The following CSGALNACT1 variants were observed in gnomAD, a reference collection of about 807,000 sequenced individuals.
The protein encoded by CSGALNACT1 is chondroitin sulfate N-acetylgalactosaminyltransferase 1.
In CSGALNACT1, 52 loss-of-function variants were observed where a neutral mutation model predicts 51.0. The observed-to-expected ratio is 1.02, with a 90% CI of 0.82 to 1.29. CSGALNACT1 has a LOEUF of 1.29. Among genes scored for constraint, CSGALNACT1 ranks in the 50% most tolerant of loss-of-function variants. The probability of loss-of-function intolerance (pLI) is 0.00; values close to 1 mark genes in which losing one functional copy is unlikely to be tolerated. For synonymous variants in CSGALNACT1, 341 were observed against 254.4 expected (o/e 1.34, Z -3.24); for missense variants, 935 against 679.2 (o/e 1.38, Z -4.19).
intron 1 of CSGALNACT1, among the ~76,000 whole-genome samples, chr8:19,699,029 GC>G (rs1398056244): frequency 1.3e-5 from 2 of 152,160 alleles, no homozygotes; most frequent in African/African-American, 4.8e-5. Context: ...GCAGTGTATT[GC>G]TTTTTTCTTT....
At chr8:19,691,055 G>T (rs747995587) in intron 1 of CSGALNACT1, among the ~76,000 whole-genome samples, 1 of 152,178 alleles carries the variant, frequency 6.6e-6, no homozygotes, top group Non-Finnish European at 1.5e-5. Flanking sequence ...TTGCACCACT[G>T]CACTCAAGCT....
intron 3 of CSGALNACT1, among the ~76,000 whole-genome samples, chr8:19,580,188 A>G (rs190167931): frequency 1.8e-4 from 28 of 152,352 alleles, no homozygotes; most frequent in Admixed American, 4.6e-4. Context: ...AGGACTTCCA[A>G]TGCAGCCAGA....
chr8:19,569,891 T>C (rs1463797789), intron 3 of CSGALNACT1, among the ~76,000 whole-genome samples: 4 of 152,202 alleles, frequency 2.6e-5, no homozygotes, highest in Non-Finnish European at 5.9e-5. Flanking sequence ...AAACTACTGC[T>C]ACATGCAGCC....
intron 4 of CSGALNACT1, among the ~76,000 whole-genome samples, chr8:19,501,975 G>A (rs113399987): frequency 2.0e-5 from 3 of 152,248 alleles, no homozygotes; most frequent in African/African-American, 7.2e-5. Flanking sequence ...CTGGGGAAAG[G>A]GAAAAGAGAG....
At chr8:19,650,288 C>T (rs1564348519) in intron 1 of CSGALNACT1, among the ~76,000 whole-genome samples, 1 of 152,114 alleles carries the variant, frequency 6.6e-6, no homozygotes, top group African/African-American at 2.4e-5. Context: ...TATTTGAAAG[C>T]TAGACAAAGA....
intron 1 of CSGALNACT1, among the ~76,000 whole-genome samples, chr8:19,755,718 T>C (rs973279806): frequency 1.3e-5 from 2 of 152,200 alleles, no homozygotes; most frequent in Non-Finnish European, 2.9e-5. Context: ...CACTGCACTG[T>C]AATGTAAACG....
upstream of CSGALNACT1, among the ~76,000 whole-genome samples, chr8:19,684,322 G>A (rs2060845934): frequency 6.6e-6 from 1 of 152,084 alleles, no homozygotes; most frequent in African/African-American, 2.4e-5. Context: ...GAAAAGGTAC[G>A]TTCATTGACA....
chr8:19,627,072 A>G (rs1219549527), intron 1 of CSGALNACT1, among the ~76,000 whole-genome samples: 1 of 152,240 alleles, frequency 6.6e-6, no homozygotes, highest in East Asian at 1.9e-4. Context: ...TCAAGAAATG[A>G]AAACATTCTC....
rs748656508 is a variant in CSGALNACT1, at chr8:19,420,528, A to G, written c.954-10T>C. On this transcript the variant is annotated splice_polypyrimidine_tract_variant and intron_variant, in intron 6 of 9. Coordinates refer to ENST00000454498, the Ensembl canonical transcript of CSGALNACT1. ...CCTGAAGTTGGCAGCTCTGAAAGGCAAGACCAGGTACTGTCACTCACATTC... is the reference window on the plus strand; with the variant it reads ...CCTGAAGTTGGCAGCTCTGAAAGGCGAGACCAGGTACTGTCACTCACATTC... 8 of 1,613,356 alleles carry G rather than the reference A, an allele frequency of 5.0e-6. No homozygotes were observed.
chr8:19,407,431 C>T (rs1017914906), intron 9 of CSGALNACT1, among the ~76,000 whole-genome samples: 1 of 152,142 alleles, frequency 6.6e-6, no homozygotes, highest in Admixed American at 6.5e-5. Flanking sequence ...CTGACTCCAT[C>T]GCAGCTGAGC....
At chr8:19,525,239 G>C (rs1032635358) in intron 3 of CSGALNACT1, among the ~76,000 whole-genome samples, 2 of 152,152 alleles carry the variant, frequency 1.3e-5, no homozygotes, top group African/African-American at 4.8e-5. Context: ...ATGGCTTGCA[G>C]AGTTAAAACT....
At chr8:19,536,345 TAAAA>T (rs199727809) in intron 3 of CSGALNACT1, among the ~76,000 whole-genome samples, 1 of 111,310 alleles carries the variant, frequency 9.0e-6, no homozygotes, top group Non-Finnish European at 1.8e-5. Context: ...TAAAAAATGT[TAAAA>T]AAAACAAATG....
intron 3 of CSGALNACT1, among the ~76,000 whole-genome samples, chr8:19,507,633 T>C (rs1209269898): frequency 6.6e-6 from 1 of 152,110 alleles, no homozygotes; most frequent in African/African-American, 2.4e-5. Flanking sequence ...GCATCTTTCT[T>C]TTTTTCTCTT....
At chr8:19,720,389 C>T (rs1316464786) in intron 1 of CSGALNACT1, among the ~76,000 whole-genome samples, 1 of 152,150 alleles carries the variant, frequency 6.6e-6, no homozygotes, top group Non-Finnish European at 1.5e-5. Flanking sequence ...CCATGACAAG[C>T]ACATAAGCCA....
Position 19,405,868 on chromosome 8 carries a change from TGG to T in CSGALNACT1, c.1509_1510del (p.His504ArgfsTer25). The T allele has an allele frequency of 6.2e-7, 1 of 1,614,172 alleles. No homozygotes were observed. The highest frequency in any genetic ancestry group is 8.5e-7 in the Non-Finnish European group (1 of 1,180,018). On this transcript the variant is annotated frameshift_variant, in exon 10 of 10. Transcript: ENST00000454498. LOFTEE classifies it high-confidence loss of function. ...GAACACCAGCATGCCCAGCTGGCCG[TGG>T]GATGCCTCGTTCATGGCCTTGGACT...
intron 1 of CSGALNACT1, among the ~76,000 whole-genome samples, chr8:19,749,966 T>C (rs1414057478): frequency 6.6e-6 from 1 of 152,164 alleles, no homozygotes; most frequent in East Asian, 1.9e-4. Flanking sequence ...TCCTCTGAGC[T>C]TTTTAGCAGA....
rs781243291 is a variant in CSGALNACT1, at chr8:19,458,636, T to C, written c.641A>G (p.Tyr214Cys). ...TGTCCCTTTGTCCCTTTCTGTTCGG[T>C]AGATCCCTGTTAAGAGAAAAACAAG... The change falls in exon 5 of 10, where the codon TAC (tyrosine) becomes TGC (cysteine). Residue 214 changes from tyrosine to cysteine, a missense_variant. Transcript: ENST00000454498. 9.9e-6 allele frequency: 16 copies of C among 1,614,102 alleles called. No homozygotes were observed. Among genetic ancestry groups the C allele is most frequent in the Non-Finnish European group, 1.4e-5 (16 of 1,179,952 alleles).
At chr8:19,622,975 A>G (rs1371411279) in intron 1 of CSGALNACT1, among the ~76,000 whole-genome samples, 1 of 152,216 alleles carries the variant, frequency 6.6e-6, no homozygotes, top group Non-Finnish European at 1.5e-5. Context: ...TGACGGGTTG[A>G]TAGGTACTGC....
rs1159626193 is a variant in CSGALNACT1, at chr8:19,541,553, A to ATTTTTTTTTTTTTTTTTTTTTTTTTTT, written c.-296-35424_-296-35423insAAAAAAAAAAAAAAAAAAAAAAAAAAA. Among the ~76,000 whole-genome samples, 7 of 70,096 alleles carry ATTTTTTTTTTTTTTTTTTTTTTTTTTT rather than the reference A, an allele frequency of 1.0e-4. 2 individuals carry two copies. The highest frequency in any genetic ancestry group is 4.4e-4 in the East Asian group (1 of 2,298). 46.0% of individuals were successfully genotyped at this position (70,096 alleles called of 152,430 possible). A position where few individuals can be genotyped will look rare whatever the true frequency, so the allele number is the denominator to read the frequency against. ...AGGTGTGAGCCACCGTGCTCAGCCA[A>ATTTTTTTTTTTTTTTTTTTTTTTTTTT]TTTTTTTTTTTTTTTTTTTTTTTTT... On this transcript the variant is annotated intron_variant, in intron 3 of 9. Coordinates refer to ENST00000454498, the Ensembl canonical transcript of CSGALNACT1.
Sources: allele counts gnomAD v4.1 joint callset (sites outside exome capture counted in the v4.1 genomes callset), GRCh38; gene constraint gnomAD v4.1.1; transcripts MANE v1.5; gene names NCBI Gene and HGNC (gene_info 2026-07-23, HGNC 2026-07-21).